Variants in RCAN1 observed in about 807,000 individuals in gnomAD.
The protein encoded by RCAN1 is regulator of calcineurin 1.
A neutral mutation model predicts 22.9 loss-of-function variants in RCAN1; 11 were observed. That is an observed-to-expected ratio of 0.48 (90% CI 0.30 to 0.79). The LOEUF (loss-of-function observed/expected upper bound fraction) is 0.79. Among genes scored for constraint, RCAN1 ranks in the 30% least tolerant of loss-of-function variants. RCAN1 has a pLI of 0.06. For missense variants in RCAN1, 291 were observed against 337.8 expected, an observed-to-expected ratio of 0.86 and a Z score of 1.09; for synonymous variants, 136 against 142.3, an observed-to-expected ratio of 0.96 and a Z score of 0.32.
At chr21:34,541,959 A>AG (rs1201868908) in intron 1 of RCAN1, among the ~76,000 whole-genome samples, 1 of 152,150 alleles carries the variant, frequency 6.6e-6, no homozygotes, top group Admixed American at 6.5e-5. Flanking sequence ...AATAAAAAAA[A>AG]TTTTTTTAAT....
rs547016420 is a variant in RCAN1, at chr21:34,568,886, A to G, written c.253-45176T>C. On this transcript the variant is annotated intron_variant, in intron 1 of 3. Coordinates refer to ENST00000313806, the MANE Select transcript of RCAN1 (RefSeq NM_004414.7). ...GAAAAAGAAGTTTAATTGGACTTACAGTTCCACATGGCTGGGGAGGCCTCA... is the reference window on the plus strand; with the variant it reads ...GAAAAAGAAGTTTAATTGGACTTACGGTTCCACATGGCTGGGGAGGCCTCA... Among the ~76,000 whole-genome samples, 43 of 152,378 alleles carry G rather than the reference A, an allele frequency of 2.8e-4. 1 individual carries two copies. The highest frequency in any genetic ancestry group is 2.6e-3 in the Admixed American group (40 of 15,304).
Position 34,525,108 on chromosome 21 carries a change from C to A in RCAN1, c.253-1398G>T, listed in dbSNP as rs1292668135. On this transcript the variant is annotated intron_variant, in intron 1 of 3. Coordinates refer to ENST00000313806, the MANE Select transcript of RCAN1 (RefSeq NM_004414.7). ...AGGACCTTGGAGAACCTATGGAAGGCGCAGTGTCTCTGCAGTGGGAGCGAG... is the reference window on the plus strand; with the variant it reads ...AGGACCTTGGAGAACCTATGGAAGGAGCAGTGTCTCTGCAGTGGGAGCGAG... 4 of 1,550,346 alleles carry A rather than the reference C, an allele frequency of 2.6e-6. No individual in the cohort carries two copies. In the East Asian group the frequency reaches 9.8e-5, roughly 38 times the overall value.
At chr21:34,588,848 T>C (rs1987882311) in intron 1 of RCAN1, among the ~76,000 whole-genome samples, 1 of 152,176 alleles carries the variant, frequency 6.6e-6, no homozygotes, top group African/African-American at 2.4e-5. Context: ...TATTCAACCT[T>C]AAAAAGGAAG....
At chr21:34,535,116 A>T (rs1985608888) in intron 1 of RCAN1, among the ~76,000 whole-genome samples, 1 of 152,248 alleles carries the variant, frequency 6.6e-6, no homozygotes. Context: ...GATGTACTAA[A>T]AAATCTTCTA....
At chr21:34,579,123 G>C (rs140667179) in intron 1 of RCAN1, among the ~76,000 whole-genome samples, 1 of 152,120 alleles carries the variant, frequency 6.6e-6, no homozygotes, top group Non-Finnish European at 1.5e-5. Flanking sequence ...GGCCGGGCGC[G>C]GTGGCTCATG....
At chr21:34,585,139 CT>C (rs1987746981) in intron 1 of RCAN1, among the ~76,000 whole-genome samples, 1 of 152,140 alleles carries the variant, frequency 6.6e-6, no homozygotes, top group Non-Finnish European at 1.5e-5. Flanking sequence ...CAACTTCACT[CT>C]TTTAATGTAT....
intron 1 of RCAN1, chr21:34,559,123 A>C (rs1986696248): frequency 6.6e-6 from 1 of 152,246 alleles, no homozygotes; most frequent in South Asian, 2.1e-4. Context: ...CTGGAAATTG[A>C]GAGAATGCAA....
chr21:34,597,310 G>C (rs1464654584), intron 1 of RCAN1, among the ~76,000 whole-genome samples: 4 of 152,178 alleles, frequency 2.6e-5, no homozygotes, highest in African/African-American at 9.7e-5. Context: ...TAAAAGTTCA[G>C]TTCCTCAGTC....
intron 1 of RCAN1, chr21:34,525,379 C>CGA (rs1457825554): frequency 6.9e-7 from 1 of 1,454,436 alleles, no homozygotes; most frequent in Admixed American, 2.5e-5. Flanking sequence ...GAGGCACGTG[C>CGA]GAAGGAACGC....
chr21:34,521,763 G>A, intron 2 of RCAN1, 105 bp from the exon 3 acceptor site: 5 of 922,872 alleles, frequency 5.4e-6, no homozygotes, highest in Non-Finnish European at 6.6e-6. Flanking sequence ...CAATGTCCAG[G>A]CGTCAGGACA....
intron 1 of RCAN1, among the ~76,000 whole-genome samples, chr21:34,593,510 A>G (rs2123714168): frequency 6.6e-6 from 1 of 152,382 alleles, no homozygotes; most frequent in East Asian, 1.9e-4. Flanking sequence ...AAATAAGGCT[A>G]GCACACCTGC....
intron 1 of RCAN1, chr21:34,525,174 C>G (rs1372172246): frequency 6.4e-7 from 1 of 1,550,592 alleles, no homozygotes; most frequent in Non-Finnish European, 8.7e-7. Flanking sequence ...GGAATGTTCA[C>G]TGCTAGCAAG....
chr21:34,530,420 T>C (rs917501815), intron 1 of RCAN1, among the ~76,000 whole-genome samples: 1 of 152,076 alleles, frequency 6.6e-6, no homozygotes, highest in African/African-American at 2.4e-5. Flanking sequence ...CATTATGAAC[T>C]CTAAGGAGTT....
At chr21:34,554,657 CA>C (rs1013118880) in intron 1 of RCAN1, among the ~76,000 whole-genome samples, 11 of 152,200 alleles carry the variant, frequency 7.2e-5, no homozygotes, top group African/African-American at 2.7e-4. Context: ...GATTTTTCAG[CA>C]AGCTCCCAGG....
At chr21:34,598,600 C>T (rs1445450433) in intron 1 of RCAN1, among the ~76,000 whole-genome samples, 1 of 152,194 alleles carries the variant, frequency 6.6e-6, no homozygotes, top group Non-Finnish European at 1.5e-5. Context: ...AGAAAACCTA[C>T]TCCTATACAT....
intron 1 of RCAN1, chr21:34,524,780 T>G: frequency 3.5e-6 from 1 of 287,282 alleles, no homozygotes; most frequent in Admixed American, 4.7e-5. Flanking sequence ...AAGCTCGAGG[T>G]GGGGGATTAC....
At chr21:34,546,813 G>A (rs1986160288) in intron 1 of RCAN1, among the ~76,000 whole-genome samples, 1 of 152,192 alleles carries the variant, frequency 6.6e-6, no homozygotes, top group South Asian at 2.1e-4. Context: ...TGGAAAAAGA[G>A]CGTGTTTTTC....
chr21:34,522,703 G>C (rs1984669596), intron 2 of RCAN1: 1 of 143,500 alleles, frequency 7.0e-6, no homozygotes, highest in Non-Finnish European at 1.5e-5. Context: ...ATCCCAGCAA[G>C]GTATGTGTGT....
At chr21:34,545,040 A>T (rs1986078697) in intron 1 of RCAN1, among the ~76,000 whole-genome samples, 1 of 152,220 alleles carries the variant, frequency 6.6e-6, no homozygotes, top group South Asian at 2.1e-4. Context: ...GTGGAGCGAG[A>T]GCCTCTGGGA....
Sources: gnomAD v4.1 joint callset for allele counts (sites outside exome capture counted in the v4.1 genomes callset) on GRCh38, gnomAD v4.1.1 for gene constraint, MANE v1.5 for transcripts, NCBI Gene and HGNC (gene_info 2026-07-23, HGNC 2026-07-21) for gene names.